NEK1: variants seen among roughly 807,000 people sequenced by gnomAD.
NEK1 encodes the protein NIMA related kinase 1, also known as serine/threonine-protein kinase Nek1.
NEK1 carries 137 observed loss-of-function variants against 182.1 expected under a neutral mutation model. The observed-to-expected ratio is 0.75, with a 90% CI of 0.65 to 0.87. The LOEUF (loss-of-function observed/expected upper bound fraction) is 0.87. NEK1 is among the 40% of genes least tolerant of loss of function. NEK1 has a pLI of 0.00. For synonymous variants in NEK1, 513 were observed against 492.2 expected, an observed-to-expected ratio of 1.04 and a Z score of -0.56; for missense variants, 1,391 against 1,494.4, an observed-to-expected ratio of 0.93 and a Z score of 1.14.
intron 10 of NEK1, among the ~76,000 whole-genome samples, chr4:169,584,016 A>G (rs1304197744): frequency 6.6e-6 from 1 of 152,240 alleles, no homozygotes; most frequent in African/African-American, 2.4e-5. Flanking sequence ...TTTGCTGAAT[A>G]TCTTATTTAC....
chr4:169,513,224 G>A (rs1369553294), intron 19 of NEK1, among the ~76,000 whole-genome samples: 2 of 152,078 alleles, frequency 1.3e-5, no homozygotes, highest in African/African-American at 4.8e-5. Flanking sequence ...CATAAACAAT[G>A]TATCTCTCCA....
chr4:169,507,620 C>G (rs778281375), intron 22 of NEK1, 95 bp downstream of exon 22: 15 of 771,792 alleles, frequency 1.9e-5, no homozygotes, highest in Non-Finnish European at 2.7e-5. Context: ...AAGGAAGAGA[C>G]TAAAGTGATA....
chr4:169,446,777 C>G (rs893153207), intron 27 of NEK1, among the ~76,000 whole-genome samples: 2 of 152,042 alleles, frequency 1.3e-5, no homozygotes, highest in East Asian at 3.9e-4. Context: ...CTGATGAATG[C>G]ATAAGAGTCC....
intron 2 of NEK1, among the ~76,000 whole-genome samples, chr4:169,605,978 G>C (rs1771269830): frequency 6.6e-6 from 1 of 152,038 alleles, no homozygotes; most frequent in South Asian, 2.1e-4. Context: ...TCTGCCTTTT[G>C]TGGACTTCAG....
chr4:169,602,469 G>GT lies in NEK1; in HGVS notation c.117+44dup, dbSNP rs763689994. 7.3e-6 allele frequency: 7 copies of GT among 963,506 alleles called. No individual in the cohort carries two copies. The South Asian group carries it at 8.7e-5, about 12-fold the overall frequency. The allele number at this position is 963,506 out of a possible 1,614,324, so 59.7% of individuals were successfully genotyped here. ...AAAATCTCTAACAATGAGCTCTATT[G>GT]TAACTAAACCATTACTCATGAAACC... On this transcript the variant is annotated intron_variant, in intron 3 of 35. Coordinates refer to ENST00000507142, the MANE Select transcript of NEK1 (RefSeq NM_001199397.3).
chr4:169,433,853 C>T lies in NEK1; in HGVS notation c.2765-188G>A, dbSNP rs185260213. 2.9e-3 allele frequency among the ~76,000 whole-genome samples: 436 copies of T among 152,198 alleles called. 3 individuals are homozygous for T. Among genetic ancestry groups the T allele is most frequent in the Admixed American group, 5.4e-3 (83 of 15,290 alleles). On this transcript the variant is annotated intron_variant, in intron 28 of 35. Coordinates refer to ENST00000507142, the MANE Select transcript of NEK1 (RefSeq NM_001199397.3). ...GTCTTTAGTTCAGTTATTTCTGAAACGACAGACTACTTCTTTTGCCTTTTA... is the reference window on the plus strand; with the variant it reads ...GTCTTTAGTTCAGTTATTTCTGAAATGACAGACTACTTCTTTTGCCTTTTA...
intron 35 of NEK1, among the ~76,000 whole-genome samples, chr4:169,397,824 C>A (rs1003818440): frequency 5.9e-5 from 9 of 152,176 alleles, no homozygotes; most frequent in Admixed American, 5.2e-4. Context: ...TACAGCTCTC[C>A]ACTTAAGGGG....
At chr4:169,580,055 T>C (rs978326090) in intron 11 of NEK1, among the ~76,000 whole-genome samples, 3 of 152,180 alleles carry the variant, frequency 2.0e-5, no homozygotes, top group Admixed American at 6.5e-5. Context: ...TCTAAATACA[T>C]ATACATAGTA....
At chr4:169,574,371 G>A (rs546149034) in intron 12 of NEK1, among the ~76,000 whole-genome samples, 3 of 152,180 alleles carry the variant, frequency 2.0e-5, no homozygotes, top group African/African-American at 2.4e-5. Context: ...CAAGGCGGGC[G>A]GATCATGGGG....
At chr4:169,512,459 T>C (rs1754350123) in intron 19 of NEK1, among the ~76,000 whole-genome samples, 1 of 152,086 alleles carries the variant, frequency 6.6e-6, no homozygotes, top group African/African-American at 2.4e-5. Flanking sequence ...AACTGGATCT[T>C]TTATGTTTAA....
chr4:169,446,095 A>G (rs1416400675), intron 27 of NEK1, among the ~76,000 whole-genome samples: 1 of 151,990 alleles, frequency 6.6e-6, no homozygotes, highest in Non-Finnish European at 1.5e-5. Flanking sequence ...TGGTTAATGC[A>G]TACAAAATAC....
intron 2 of NEK1, among the ~76,000 whole-genome samples, chr4:169,604,769 T>A (rs1771062919): frequency 6.6e-6 from 1 of 152,196 alleles, no homozygotes. Context: ...ATGAGATAAG[T>A]ATGACTCATG....
chr4:169,512,531 T>A (rs867314225), intron 19 of NEK1, among the ~76,000 whole-genome samples: 7 of 152,132 alleles, frequency 4.6e-5, no homozygotes, highest in Admixed American at 3.9e-4. Flanking sequence ...ATAAGTGCTA[T>A]ACAAACATTT....
At chr4:169,543,902 T>C (rs781066343) in intron 18 of NEK1, among the ~76,000 whole-genome samples, 8 of 152,236 alleles carry the variant, frequency 5.3e-5, no homozygotes, top group Non-Finnish European at 1.0e-4. Flanking sequence ...TGGGATTTTC[T>C]AAATATACAA....
chr4:169,473,712 C>T (rs113334664), intron 26 of NEK1, among the ~76,000 whole-genome samples: 32 of 152,030 alleles, frequency 2.1e-4, no homozygotes, highest in African/African-American at 6.0e-4. Flanking sequence ...TAGCAAAACA[C>T]CATCTCTCCA....
chr4:169,524,398 T>C (rs548116701), intron 19 of NEK1, among the ~76,000 whole-genome samples: 1 of 149,646 alleles, frequency 6.7e-6, no homozygotes, highest in South Asian at 2.1e-4. Flanking sequence ...GAGGCGGAGG[T>C]TGCAGTGAGC....
chr4:169,515,609 G>T (rs1755078573), intron 19 of NEK1, among the ~76,000 whole-genome samples: 1 of 122,656 alleles, frequency 8.2e-6, no homozygotes. Context: ...CCACTAATGT[G>T]TCATCTAGCA....
intron 27 of NEK1, among the ~76,000 whole-genome samples, chr4:169,440,643 C>T (rs1739268642): frequency 6.6e-6 from 1 of 152,146 alleles, no homozygotes; most frequent in African/African-American, 2.4e-5. Flanking sequence ...GGAAGCGAAA[C>T]AGTTGGCCTG....
Position 169,589,488 on chromosome 4 carries a change from T to G in NEK1, c.423A>C (p.Thr141=). 1 of 1,513,206 alleles carries G rather than the reference T, an allele frequency of 6.6e-7. No homozygotes were observed. Among genetic ancestry groups the G allele is most frequent in the South Asian group, 1.3e-5 (1 of 79,670 alleles). 93.7% of individuals were successfully genotyped at this position (1,513,206 alleles called of 1,614,324 possible). A position where few individuals can be genotyped will look rare whatever the true frequency, so the allele number is the denominator to read the frequency against. The change falls in exon 7 of 36, where the codon ACA becomes ACC. Residue 141 remains threonine, a synonymous_variant. Transcript: ENST00000507142. The stretch of plus-strand genomic sequence containing the variant: ...CAATTCCAAAATCTCCAAGTTGTAC[T>G]GTTCCATCTTTAGTTAAAAATATGT... ...SQNIFLTKDG[T]VQLGDFGIAR...
Sources: allele counts gnomAD v4.1 joint callset (sites outside exome capture counted in the v4.1 genomes callset), GRCh38; gene constraint gnomAD v4.1.1; transcripts MANE v1.5; gene names NCBI Gene and HGNC (gene_info 2026-07-23, HGNC 2026-07-21).